The following RANBP17 variants were observed in gnomAD, a reference collection of about 807,000 sequenced individuals.
RANBP17 encodes the protein RAN binding protein 17, also known as ran-binding protein 17.
In RANBP17, 158 loss-of-function variants were observed where a neutral mutation model predicts 141.2. That is an observed-to-expected ratio of 1.12 (90% CI 0.98 to 1.28). The LOEUF (loss-of-function observed/expected upper bound fraction) is 1.28. Among genes scored for constraint, RANBP17 ranks in the 50% most tolerant of loss-of-function variants. The probability of loss-of-function intolerance (pLI) is 0.00; values close to 1 mark genes in which losing one functional copy is unlikely to be tolerated. For missense variants in RANBP17, 1,438 were observed against 1,290.7 expected, an observed-to-expected ratio of 1.11 and a Z score of -1.75; for synonymous variants, 430 against 450.0, an observed-to-expected ratio of 0.96 and a Z score of 0.56.
chr5:170,975,659 G>A (rs1164164774), intron 14 of RANBP17, among the ~76,000 whole-genome samples: 1 of 152,090 alleles, frequency 6.6e-6, no homozygotes, highest in Non-Finnish European at 1.5e-5. Flanking sequence ...CCTTTTATAA[G>A]GGCACTAATC....
At chr5:171,094,893 T>C (rs1326428191) in intron 14 of RANBP17, among the ~76,000 whole-genome samples, 1 of 152,206 alleles carries the variant, frequency 6.6e-6, no homozygotes, top group Non-Finnish European at 1.5e-5. Flanking sequence ...AAAGTTTGTG[T>C]GTTTGAAACT....
intron 14 of RANBP17, among the ~76,000 whole-genome samples, chr5:171,115,937 T>C (rs1172591457): frequency 2.0e-5 from 3 of 152,210 alleles, no homozygotes; most frequent in Non-Finnish European, 4.4e-5. Flanking sequence ...ATCTGAGTCC[T>C]AGCCCAGCCA....
chr5:171,183,127 A>G (rs1760973294), intron 16 of RANBP17, 40 bp from the exon 17 acceptor site: 4 of 1,073,646 alleles, frequency 3.7e-6, no homozygotes. Context: ...ACATACTGAT[A>G]TTACAAATAT....
At chr5:171,155,187 G>A (rs973406652) in intron 14 of RANBP17, among the ~76,000 whole-genome samples, 4 of 147,978 alleles carry the variant, frequency 2.7e-5, no homozygotes, top group Non-Finnish European at 5.9e-5. Context: ...ACCTAGCTGT[G>A]CCTATTTTGA....
chr5:170,935,704 T>C (rs1773810495), intron 12 of RANBP17, among the ~76,000 whole-genome samples: 1 of 152,134 alleles, frequency 6.6e-6, no homozygotes, highest in Non-Finnish European at 1.5e-5. Flanking sequence ...ATCGCCCCCC[T>C]ACTGGGAGGT....
chr5:171,260,462 C>CAA lies in RANBP17; in HGVS notation c.2777-5202_2777-5201dup, dbSNP rs531075409. Among the ~76,000 whole-genome samples the CAA allele has an allele frequency of 1.8e-3, 92 of 51,370 alleles. 3 individuals carry two copies. In the South Asian group the frequency reaches 0.05, roughly 28 times the overall value. The allele number at this position is 51,370 out of a possible 152,430, so 33.7% of individuals were successfully genotyped here. A position where few individuals can be genotyped will look rare whatever the true frequency, so the allele number is the denominator to read the frequency against. On this transcript the variant is annotated intron_variant, in intron 24 of 27. Transcript: ENST00000523189. ...TGGGCAACAGAGCAAGACTCCGTCT[C>CAA]AAAAAAAAAAAAAAAAAAGAGATAG... is the stretch of plus-strand genomic sequence containing the variant.
At chr5:170,980,237 G>A (rs1169581531) in intron 14 of RANBP17, among the ~76,000 whole-genome samples, 1 of 152,134 alleles carries the variant, frequency 6.6e-6, no homozygotes, top group Non-Finnish European at 1.5e-5. Flanking sequence ...GTTTTAAAAG[G>A]GAAACAGCAT....
intron 16 of RANBP17, among the ~76,000 whole-genome samples, chr5:171,180,428 T>TA (rs560279185): frequency 1.3e-4 from 20 of 152,208 alleles, no homozygotes; most frequent in Non-Finnish European, 2.5e-4. Flanking sequence ...TTGCTACTGT[T>TA]ACTGTTACCA....
At chr5:170,902,863 G>A (rs1770762059) in intron 5 of RANBP17, among the ~76,000 whole-genome samples, 1 of 152,204 alleles carries the variant, frequency 6.6e-6, no homozygotes, top group African/African-American at 2.4e-5. Flanking sequence ...CTGCAGAACA[G>A]CAAAGATTGC....
chr5:171,289,089 A>G (rs1452003563), intron 25 of RANBP17, among the ~76,000 whole-genome samples: 1 of 152,056 alleles, frequency 6.6e-6, no homozygotes, highest in Non-Finnish European at 1.5e-5. Flanking sequence ...TTTTGCATTT[A>G]TTCATTTATG....
chr5:170,881,030 A>G (rs1019973021), intron 2 of RANBP17, among the ~76,000 whole-genome samples: 1 of 152,256 alleles, frequency 6.6e-6, no homozygotes, highest in African/African-American at 2.4e-5. Context: ...ATGAATGAGC[A>G]TGGCTGTGTT....
chr5:171,028,372 T>C (rs1781353529), intron 14 of RANBP17, among the ~76,000 whole-genome samples: 1 of 152,086 alleles, frequency 6.6e-6, no homozygotes, highest in Non-Finnish European at 1.5e-5. Flanking sequence ...GAAAACCTGA[T>C]TGGAACACCT....
intron 14 of RANBP17, among the ~76,000 whole-genome samples, chr5:171,136,412 TTTC>T (rs1757286315): frequency 1.3e-5 from 2 of 151,994 alleles, no homozygotes; most frequent in African/African-American, 4.8e-5. Context: ...CACCTTTTTT[TTTC>T]TTTTCTTTTC....
At chr5:170,940,372 A>T (rs918955397) in intron 12 of RANBP17, among the ~76,000 whole-genome samples, 2 of 152,200 alleles carry the variant, frequency 1.3e-5, no homozygotes, top group African/African-American at 4.8e-5. Context: ...CCAAAATTTA[A>T]AACTTTTTGA....
At chr5:171,057,143 A>C (rs1581512440) in intron 14 of RANBP17, among the ~76,000 whole-genome samples, 1 of 152,118 alleles carries the variant, frequency 6.6e-6, no homozygotes, top group African/African-American at 2.4e-5. Context: ...TCCATGCTCT[A>C]AGAAAATTCT....
intron 22 of RANBP17, among the ~76,000 whole-genome samples, chr5:171,222,693 A>G (rs1763643898): frequency 6.6e-6 from 1 of 152,014 alleles, no homozygotes; most frequent in Non-Finnish European, 1.5e-5. Flanking sequence ...CAGTGGCACG[A>G]TCTCAGAGCT....
At chr5:170,925,595 G>T (rs1772850507) in intron 12 of RANBP17, among the ~76,000 whole-genome samples, 1 of 152,044 alleles carries the variant, frequency 6.6e-6, no homozygotes, top group Admixed American at 6.6e-5. Flanking sequence ...TTAAAGAATA[G>T]GTCGTTTGCC....
intron 14 of RANBP17, among the ~76,000 whole-genome samples, chr5:171,128,790 T>C (rs1581695630): frequency 1.3e-5 from 2 of 149,488 alleles, no homozygotes; most frequent in South Asian, 4.4e-4. Context: ...ATACAATGAT[T>C]ATTTATTAAT....
At chr5:170,942,622 GCTTA>G (rs907095948) in intron 12 of RANBP17, among the ~76,000 whole-genome samples, 4 of 152,292 alleles carry the variant, frequency 2.6e-5, no homozygotes, top group South Asian at 2.1e-4. Flanking sequence ...ATTGACTCAT[GCTTA>G]CTTCTAGGGT....
Sources: allele counts gnomAD v4.1 joint callset (sites outside exome capture counted in the v4.1 genomes callset), GRCh38; gene constraint gnomAD v4.1.1; transcripts MANE v1.5; gene names NCBI Gene and HGNC (gene_info 2026-07-23, HGNC 2026-07-21).